The following MEG3 variants were observed in gnomAD, a reference collection of about 807,000 sequenced individuals.
MEG3 encodes Very putative protein from MEG3 locus.
In MEG3 at chr14:100,834,377, C is replaced by T. The variant is rs1595264884; in HGVS notation, n.1409C>T. 3.1e-5 allele frequency: 8 copies of T among 261,004 alleles called. No individual in the cohort carries two copies. In the South Asian group the frequency reaches 3.2e-4, roughly 11 times the overall value. The allele number at this position is 261,004 out of a possible 1,614,324, so 16.2% of individuals were successfully genotyped here. A position where few individuals can be genotyped will look rare whatever the true frequency, so the allele number is the denominator to read the frequency against. ...GAGGGCGTGGAAGAAATCAGCTGGCCCCCGGCAGGTTCTCTGGGGTTTTGT... is the reference window on the plus strand; with the variant it reads ...GAGGGCGTGGAAGAAATCAGCTGGCTCCCGGCAGGTTCTCTGGGGTTTTGT... On this transcript the variant is annotated non_coding_transcript_exon_variant, in exon 1 of 4. Coordinates refer to the MEG3 transcript ENST00000398461.
At chr14:100,857,989 C>A (rs929274493) in exon 1 of MEG3, 1 of 152,164 alleles carries the variant, frequency 6.6e-6, no homozygotes, top group African/African-American at 2.4e-5. Flanking sequence ...CTGGGCCTGG[C>A]ACCAAGCTCG....
intron 1 of MEG3, chr14:100,827,434 A>G (rs2037271996): frequency 6.6e-6 from 1 of 152,158 alleles, no homozygotes; most frequent in Admixed American, 6.5e-5. Flanking sequence ...AAGAGGGAAC[A>G]GTTTTGAGAC....
chr14:100,828,960 T>TAATTACAATTA (rs2037325701), intron 2 of MEG3: 1 of 152,182 alleles, frequency 6.6e-6, no homozygotes, highest in South Asian at 2.1e-4. Context: ...TAATTGTAAT[T>TAATTACAATTA]AATGAACTTA....
At position 100,837,326 on chromosome 14, in the gene MEG3, G is replaced by A. The variant is rs1308619621; in HGVS notation, n.3045+1026G>A. Among the ~76,000 whole-genome samples, 1 of 152,194 alleles carries A rather than the reference G, an allele frequency of 6.6e-6. No homozygotes were observed. Among genetic ancestry groups the A allele is most frequent in the Admixed American group, 6.5e-5 (1 of 15,286 alleles). ...GGGGTGTTTTTAGAGCCACTGCCCT[G>A]GGAGGCAGTGTCAGGATCCTGGCAC... On this transcript the variant is annotated intron_variant and non_coding_transcript_variant, in intron 2 of 3. Coordinates refer to the MEG3 transcript ENST00000398461. The surrounding 1 kb of genome is among the most constrained non-coding windows in gnomAD (Gnocchi z 5.8).
At chr14:100,857,898 T>A (rs2038289125) in exon 1 of MEG3, 1 of 152,184 alleles carries the variant, frequency 6.6e-6, no homozygotes, top group Admixed American at 6.5e-5. Context: ...CCAACCCTGC[T>A]TCCATCCTGC....
upstream of MEG3, chr14:100,852,419 C>T (rs776063679): frequency 2.8e-5 from 15 of 534,322 alleles, no homozygotes; most frequent in South Asian, 7.0e-5. Context: ...TCCAGTACCA[C>T]GTGTCAGGGC....
chr14:100,840,379 G>A lies in MEG3; in HGVS notation n.3045+4079G>A, dbSNP rs1176781856. Among the ~76,000 whole-genome samples, 3 of 152,188 alleles carry A rather than the reference G, an allele frequency of 2.0e-5. No individual in the cohort carries two copies. In the East Asian group the frequency reaches 5.8e-4, roughly 30 times the overall value. ...GTTTCAGATGGAAACAAAGGCTCAG[G>A]CCGAGAGGAATGTGGGGGAGCCCCC... is the stretch of plus-strand genomic sequence containing the variant. On this transcript the variant is annotated intron_variant and non_coding_transcript_variant, in intron 2 of 3. Transcript: ENST00000398461.
chr14:100,831,322 C>G (rs2037391354), downstream of MEG3: 1 of 153,152 alleles, frequency 6.5e-6, no homozygotes, highest in Admixed American at 6.5e-5. Context: ...GAAGGCCTCC[C>G]TCTGCATTTC....
exon 1 of MEG3, chr14:100,835,212 G>A (rs930213470): frequency 2.5e-5 from 5 of 199,838 alleles, no homozygotes; most frequent in Middle Eastern, 3.7e-3. Flanking sequence ...AACTGTTCTG[G>A]ACCCCTGGCC....
chr14:100,844,360 G>A (rs765726209), intron 2 of MEG3, among the ~76,000 whole-genome samples: 4 of 152,162 alleles, frequency 2.6e-5, no homozygotes, highest in Non-Finnish European at 2.9e-5. Context: ...AGCTTGCTGC[G>A]TTGGTGGGAC....
At chr14:100,835,836 C>T (rs1284302940) in exon 1 of MEG3, 3 of 232,680 alleles carry the variant, frequency 1.3e-5, no homozygotes, top group Non-Finnish European at 2.5e-5. Flanking sequence ...GGGCTATGGA[C>T]AGACTCCTGT....
At chr14:100,831,789 C>T (rs1428634811), downstream of MEG3, 6 of 152,156 alleles carry the variant, frequency 3.9e-5, no homozygotes, top group East Asian at 1.9e-4. Context: ...TGCCTGGGTT[C>T]GAGTCCTAGT....
upstream of MEG3, chr14:100,854,891 T>C (rs2038191474): frequency 6.5e-6 from 1 of 152,700 alleles, no homozygotes; most frequent in African/African-American, 2.4e-5. Flanking sequence ...AATGGAACAT[T>C]TTGGATCAGG....
upstream of MEG3, chr14:100,856,417 G>C (rs150570450): frequency 9.2e-5 from 14 of 152,850 alleles, no homozygotes; most frequent in East Asian, 2.3e-3. Flanking sequence ...AACTCGTGTG[G>C]TTTAAAGTCA....
intron 1 of MEG3, chr14:100,835,914 G>A (rs1021160924): frequency 2.0e-5 from 6 of 293,788 alleles, no homozygotes; most frequent in South Asian, 3.1e-5. Flanking sequence ...TGCCTCCGCC[G>A]TGGCCCTGAG....
At position 100,845,906 on chromosome 14, in the gene MEG3, T is replaced by TG. The variant is rs200608518; in HGVS notation, n.3121+379dup. ...ACTAGGATGGAAGTGCCCTGTGAGC[T>TG]GGGGGGCCCTTCAAAGGGCCAAGGA... On this transcript the variant is annotated intron_variant and non_coding_transcript_variant, in intron 3 of 3. Coordinates refer to the MEG3 transcript ENST00000398461. The surrounding 1 kb of genome is among the most constrained non-coding windows in gnomAD (Gnocchi z 5.2). The TG allele has an allele frequency of 0.012, 1,834 of 155,842 alleles. 19 individuals are homozygous for TG. The highest frequency in any genetic ancestry group is 0.018 in the Non-Finnish European group (1,265 of 70,066). 9.7% of individuals were successfully genotyped at this position (155,842 alleles called of 1,614,324 possible).
intron 3 of MEG3, chr14:100,850,005 A>G (rs899365158): frequency 5.9e-5 from 9 of 152,264 alleles, no homozygotes; most frequent in Non-Finnish European, 1.2e-4. Context: ...GATGCAATTG[A>G]GGTTCATAAA....
At chr14:100,846,767 A>G (rs1193529289) in intron 3 of MEG3, 1 of 152,224 alleles carries the variant, frequency 6.6e-6, no homozygotes, top group Non-Finnish European at 1.5e-5. Flanking sequence ...CCAGTGAATC[A>G]CTAAGTAATA....
chr14:100,828,104 G>A (rs2037296002), intron 1 of MEG3, among the ~76,000 whole-genome samples: 1 of 152,026 alleles, frequency 6.6e-6, no homozygotes, highest in South Asian at 2.1e-4. Flanking sequence ...GCGGTGGCCT[G>A]GGGTGGGCTG....
Sources: gnomAD v4.1 joint callset for allele counts (sites outside exome capture counted in the v4.1 genomes callset) on GRCh38, gnomAD v4.1.1 for gene constraint, Gnocchi (gnomAD v3.1) non-coding constraint, MANE v1.5 for transcripts, NCBI Gene and HGNC (gene_info 2026-07-23, HGNC 2026-07-21) for gene names.